Variants in MIS18A observed in about 807,000 individuals in gnomAD.
MIS18A encodes the protein MIS18 kinetochore protein A, also known as protein Mis18-alpha.
MIS18A carries 14 observed loss-of-function variants against 25.0 expected under a neutral mutation model. The ratio of observed to expected loss-of-function variants is 0.56; its 90% confidence interval spans 0.37 to 0.88. MIS18A has a LOEUF of 0.88. MIS18A is among the 40% of genes least tolerant of loss of function. The pLI is 0.00. For missense variants in MIS18A, 292 were observed against 290.8 expected (o/e 1.00, Z -0.03); for synonymous variants, 134 against 118.6 (o/e 1.13, Z -0.84).
intron 2 of MIS18A, among the ~76,000 whole-genome samples, chr21:32,273,559 C>T (rs116971528): frequency 3.6e-3 from 554 of 152,268 alleles, no homozygotes; most frequent in Non-Finnish European, 6.7e-3. Flanking sequence ...AAAAGATACC[C>T]TTATCACCCC....
the MIS18A span, among the ~76,000 whole-genome samples, chr21:32,161,773 T>G: frequency 1.3e-5 from 2 of 150,918 alleles, no homozygotes; most frequent in East Asian, 3.9e-4. Context: ...ATTACAGGCA[T>G]GAGCCACTGC....
chr21:32,270,365 G>C (rs2031690530), intron 3 of MIS18A, 42 bp downstream of exon 3: 1 of 1,608,406 alleles, frequency 6.2e-7, no homozygotes, highest in East Asian at 2.2e-5. Context: ...TTAACTTTCT[G>C]AAACACCAGT....
chr21:32,188,894 T>C, the MIS18A span, among the ~76,000 whole-genome samples: 1 of 152,138 alleles, frequency 6.6e-6, no homozygotes, highest in Non-Finnish European at 1.5e-5. Flanking sequence ...CCATGGAGAA[T>C]TGTCTCCCAG....
chr21:32,242,124 C>A, the MIS18A span, among the ~76,000 whole-genome samples: 23 of 152,394 alleles, frequency 1.5e-4, no homozygotes, highest in South Asian at 1.7e-3. Context: ...TCGTGATCCA[C>A]CCGCCTCAGC....
At chr21:32,166,836 AGAG>A in the MIS18A span, among the ~76,000 whole-genome samples, 1 of 152,154 alleles carries the variant, frequency 6.6e-6, no homozygotes, top group Non-Finnish European at 1.5e-5. Context: ...CTTCCAAAGA[AGAG>A]AATATGGAAG....
At chr21:32,183,288 A>T in the MIS18A span, among the ~76,000 whole-genome samples, 1 of 152,218 alleles carries the variant, frequency 6.6e-6, no homozygotes, top group Non-Finnish European at 1.5e-5. Flanking sequence ...TCCATTGAAT[A>T]CACACATACA....
the MIS18A span, among the ~76,000 whole-genome samples, chr21:32,251,555 G>C: frequency 6.6e-6 from 1 of 152,154 alleles, no homozygotes; most frequent in South Asian, 2.1e-4. Context: ...TCAGATAGGG[G>C]TGTGACCTTT....
the MIS18A span, among the ~76,000 whole-genome samples, chr21:32,246,995 T>G: frequency 3.3e-5 from 5 of 152,162 alleles, no homozygotes; most frequent in Non-Finnish European, 7.3e-5. Flanking sequence ...GATGACTGGC[T>G]CCAACCCAAA....
chr21:32,155,360 C>T, the MIS18A span, among the ~76,000 whole-genome samples: 2 of 152,048 alleles, frequency 1.3e-5, no homozygotes, highest in African/African-American at 4.8e-5. Flanking sequence ...GTCCCTGGAC[C>T]TAGAGGGAGG....
At chr21:32,211,133 C>A in the MIS18A span, among the ~76,000 whole-genome samples, 2 of 152,124 alleles carry the variant, frequency 1.3e-5, no homozygotes, top group Non-Finnish European at 2.9e-5. Flanking sequence ...ATTTGCCTCC[C>A]GGGTTCAAGC....
chr21:32,253,036 G>T, the MIS18A span, among the ~76,000 whole-genome samples: 1 of 152,170 alleles, frequency 6.6e-6, no homozygotes, highest in Admixed American at 6.5e-5. Flanking sequence ...AGCTAGGAAA[G>T]GATGGAGGGA....
At chr21:32,167,253 A>G in the MIS18A span, among the ~76,000 whole-genome samples, 1 of 152,222 alleles carries the variant, frequency 6.6e-6, no homozygotes, top group Non-Finnish European at 1.5e-5. Context: ...TACAACATCC[A>G]GCCTTCAATT....
the MIS18A span, among the ~76,000 whole-genome samples, chr21:32,189,609 C>T: frequency 1.3e-5 from 2 of 152,220 alleles, no homozygotes; most frequent in East Asian, 1.9e-4. Context: ...TGCCATGATC[C>T]TGATTCCGCA....
the MIS18A span, among the ~76,000 whole-genome samples, chr21:32,186,379 T>C: frequency 6.6e-6 from 1 of 152,230 alleles, no homozygotes; most frequent in African/African-American, 2.4e-5. Context: ...GCAGGCTCCT[T>C]AAGGCTAGGC....
chr21:32,275,955 G>A (rs950665534), intron 1 of MIS18A, among the ~76,000 whole-genome samples: 2 of 151,934 alleles, frequency 1.3e-5, no homozygotes, highest in African/African-American at 2.4e-5. Flanking sequence ...AAGAAAATGC[G>A]GGGTCACATT....
chr21:32,253,686 G>T, the MIS18A span, among the ~76,000 whole-genome samples: 3,098 of 152,204 alleles, frequency 0.02, 99 homozygotes, highest in African/African-American at 0.071. Flanking sequence ...GGGACCCTTT[G>T]CAAAGCCTTT....
the MIS18A span, among the ~76,000 whole-genome samples, chr21:32,175,748 T>C: frequency 6.6e-6 from 1 of 151,892 alleles, no homozygotes; most frequent in African/African-American, 2.4e-5. Context: ...AGATGGAGGT[T>C]TCAGTGAGCC....
chr21:32,155,811 C>T, the MIS18A span, among the ~76,000 whole-genome samples: 1 of 152,108 alleles, frequency 6.6e-6, no homozygotes, highest in Non-Finnish European at 1.5e-5. Context: ...ATTATGCTTG[C>T]CTGATGATTT....
intron 2 of MIS18A, 199 bp from the exon 3 acceptor site, chr21:32,270,728 T>A (rs776293567): frequency 1.3e-5 from 6 of 462,426 alleles, no homozygotes; most frequent in Non-Finnish European, 2.1e-5. Flanking sequence ...GCCTTAAGTA[T>A]CAAATGACAA....
Sources: allele counts gnomAD v4.1 joint callset (sites outside exome capture counted in the v4.1 genomes callset), GRCh38; gene constraint gnomAD v4.1.1; transcripts MANE v1.5; gene names NCBI Gene and HGNC (gene_info 2026-07-23, HGNC 2026-07-21).